Variants in CCDC148 observed in about 807,000 individuals in gnomAD.
The protein encoded by CCDC148 is coiled-coil domain containing 148, also known as coiled-coil domain-containing protein 148.
A neutral mutation model predicts 85.7 loss-of-function variants in CCDC148; 89 were observed. The ratio of observed to expected loss-of-function variants is 1.04; its 90% CI spans 0.87 to 1.24. The LOEUF is 1.24. CCDC148 is among the 50% of genes most tolerant of loss of function. The probability of loss-of-function intolerance (pLI) is 0.00; values close to 1 mark genes in which losing one functional copy is unlikely to be tolerated. For missense variants in CCDC148, 692 were observed against 671.7 expected (o/e 1.03, Z -0.33); for synonymous variants, 230 against 213.9 (o/e 1.08, Z -0.66).
chr2:158,214,073 G>C (rs974424270), intron 11 of CCDC148, among the ~76,000 whole-genome samples: 3 of 146,824 alleles, frequency 2.0e-5, no homozygotes, highest in Non-Finnish European at 4.5e-5. Flanking sequence ...AAGGAACTTG[G>C]AGCATAGAGT....
intron 9 of CCDC148, among the ~76,000 whole-genome samples, chr2:158,295,072 G>A (rs1691113233): frequency 6.6e-6 from 1 of 152,034 alleles, no homozygotes; most frequent in African/African-American, 2.4e-5. Flanking sequence ...TGAAGTGATT[G>A]AATTTCTGCT....
chr2:158,412,833 TTATTATTA>T (rs1686323043), intron 1 of CCDC148, among the ~76,000 whole-genome samples: 22 of 19,864 alleles, frequency 1.1e-3, no homozygotes, highest in African/African-American at 4.8e-3. Context: ...GTATTTATTA[TTATTATTA>T]TTATTATTAT....
intron 7 of CCDC148, among the ~76,000 whole-genome samples, chr2:158,326,122 T>C (rs930038038): frequency 6.6e-6 from 1 of 152,182 alleles, no homozygotes; most frequent in Non-Finnish European, 1.5e-5. Context: ...CATACCTCTA[T>C]GACCCCACCT....
At chr2:158,314,179 A>G (rs1202241333) in intron 7 of CCDC148, among the ~76,000 whole-genome samples, 1 of 152,244 alleles carries the variant, frequency 6.6e-6, no homozygotes, top group African/African-American at 2.4e-5. Flanking sequence ...GCCTAAAACA[A>G]TATTTTAGAA....
At chr2:158,283,031 G>A (rs1184148935) in intron 9 of CCDC148, among the ~76,000 whole-genome samples, 1 of 152,154 alleles carries the variant, frequency 6.6e-6, no homozygotes, top group Non-Finnish European at 1.5e-5. Flanking sequence ...AATGGGGAAA[G>A]GATTCCCTAT....
chr2:158,189,934 A>G (rs1001851321), intron 11 of CCDC148, among the ~76,000 whole-genome samples: 12 of 152,044 alleles, frequency 7.9e-5, no homozygotes, highest in African/African-American at 2.9e-4. Flanking sequence ...GATGAGTGAA[A>G]TTAAAAAGTG....
At chr2:158,295,814 C>T (rs1691159215) in intron 9 of CCDC148, among the ~76,000 whole-genome samples, 2 of 151,242 alleles carry the variant, frequency 1.3e-5, no homozygotes, top group Non-Finnish European at 2.9e-5. Context: ...AAAACTGGCA[C>T]AAGACAGGGA....
chr2:158,386,115 G>T (rs1243839935), intron 1 of CCDC148, among the ~76,000 whole-genome samples: 1 of 152,044 alleles, frequency 6.6e-6, no homozygotes, highest in Admixed American at 6.6e-5. Flanking sequence ...TGTATCAGCG[G>T]TTGGGGGGCA....
chr2:158,331,962 T>C (rs1693153585), intron 7 of CCDC148, among the ~76,000 whole-genome samples: 1 of 152,204 alleles, frequency 6.6e-6, no homozygotes, highest in South Asian at 2.1e-4. Context: ...CTTTATCCAA[T>C]TTGCCAGTCT....
intron 11 of CCDC148, among the ~76,000 whole-genome samples, chr2:158,185,477 T>A (rs187231479): frequency 7.4e-4 from 112 of 152,244 alleles, no homozygotes; most frequent in Non-Finnish European, 1.4e-3. Context: ...GGGTTGGATA[T>A]CTTATCACAA....
intron 1 of CCDC148, among the ~76,000 whole-genome samples, chr2:158,423,831 A>G (rs1686931558): frequency 6.6e-6 from 1 of 151,294 alleles, no homozygotes; most frequent in Non-Finnish European, 1.5e-5. Flanking sequence ...ACAAAGGGCT[A>G]ATATCCAGAA....
chr2:158,410,664 C>T (rs1170873644), intron 1 of CCDC148, among the ~76,000 whole-genome samples: 1 of 152,056 alleles, frequency 6.6e-6, no homozygotes, highest in African/African-American at 2.4e-5. Flanking sequence ...TGTGTTCTTA[C>T]AGTCAGAGTT....
chr2:158,242,007 T>C (rs1688370774), intron 10 of CCDC148, among the ~76,000 whole-genome samples: 2 of 152,206 alleles, frequency 1.3e-5, no homozygotes, highest in Non-Finnish European at 2.9e-5. Flanking sequence ...TACTTACTAA[T>C]GAGTCAAAGA....
chr2:158,369,352 G>C (rs1684338248), intron 1 of CCDC148, among the ~76,000 whole-genome samples: 1 of 152,058 alleles, frequency 6.6e-6, no homozygotes, highest in Admixed American at 6.6e-5. Context: ...ATTTCCTTGA[G>C]CAGTGGTTTG....
intron 9 of CCDC148, among the ~76,000 whole-genome samples, chr2:158,292,019 T>C (rs1295860423): frequency 6.6e-6 from 1 of 152,152 alleles, no homozygotes; most frequent in Non-Finnish European, 1.5e-5. Context: ...TTTATGGTCT[T>C]TTCATGCCCA....
chr2:158,354,134 C>T (rs1574677609), intron 2 of CCDC148, among the ~76,000 whole-genome samples: 5 of 151,366 alleles, frequency 3.3e-5, no homozygotes, highest in Middle Eastern at 3.4e-3. Context: ...AGGAAAGATC[C>T]AAAATTGACA....
rs11900398 is a variant in CCDC148, at chr2:158,293,172, G to A, written c.1110+16261C>T. 3.9e-3 allele frequency among the ~76,000 whole-genome samples: 597 copies of A among 152,138 alleles called. 3 individuals carry two copies. Among genetic ancestry groups the A allele is most frequent in the African/African-American group, 0.013 (528 of 41,518 alleles). ...GACACACAAACAAGTATGTATATCAGATATAATAAATGTAATATGGGAGAT... is the reference window on the plus strand; with the variant it reads ...GACACACAAACAAGTATGTATATCAAATATAATAAATGTAATATGGGAGAT... On this transcript the variant is annotated intron_variant, in intron 9 of 13. Transcript: ENST00000283233.
At chr2:158,431,730 G>A (rs1020904111) in intron 1 of CCDC148, among the ~76,000 whole-genome samples, 12 of 152,126 alleles carry the variant, frequency 7.9e-5, no homozygotes, top group African/African-American at 2.9e-4. Context: ...CTTGAGGTCA[G>A]GGGTTTGAAA....
At chr2:158,355,464 G>A (rs541425046) in intron 2 of CCDC148, among the ~76,000 whole-genome samples, 1 of 151,822 alleles carries the variant, frequency 6.6e-6, no homozygotes, top group African/African-American at 2.4e-5. Context: ...AATCATGAGT[G>A]AACTCCCATT....
Sources: gnomAD v4.1 joint callset for allele counts (sites outside exome capture counted in the v4.1 genomes callset) on GRCh38, gnomAD v4.1.1 for gene constraint, MANE v1.5 for transcripts, NCBI Gene and HGNC (gene_info 2026-07-23, HGNC 2026-07-21) for gene names.